The following LMTK2 variants were observed in gnomAD, a reference collection of about 807,000 sequenced individuals.
LMTK2 encodes serine/threonine-protein kinase LMTK2.
Under a neutral mutation model 127.5 loss-of-function variants are expected in LMTK2, and 37 were observed. That is an observed-to-expected ratio of 0.29 (90% CI 0.22 to 0.38). LMTK2 has a LOEUF of 0.38. Ranked by LOEUF, LMTK2 falls within the 10% of genes least tolerant of loss-of-function variation. LMTK2 has a pLI of 1.00. For synonymous variants in LMTK2, 819 were observed against 810.1 expected (o/e 1.01, Z -0.19); for missense variants, 1,694 against 1,920.3 (o/e 0.88, Z 2.20).
At chr7:98,201,158 C>A (rs1226164906) in intron 11 of LMTK2, among the ~76,000 whole-genome samples, 1 of 151,728 alleles carries the variant, frequency 6.6e-6, no homozygotes, top group East Asian at 1.9e-4. Context: ...GTGTAGAATT[C>A]TGTGTTGATA....
At position 98,108,466 on chromosome 7, in the gene LMTK2, T is replaced by C. The variant is rs376549630; in HGVS notation, c.103+1186T>C. Reference sequence around the variant, plus strand: ...TCCAGAGCTACATCAGGGTTTGTCATTGAGTGCCCTTTAGTTGAACGTTAA... The same window carrying C: ...TCCAGAGCTACATCAGGGTTTGTCACTGAGTGCCCTTTAGTTGAACGTTAA... On this transcript the variant is annotated intron_variant, in intron 1 of 13. Coordinates refer to ENST00000297293, the MANE Select transcript of LMTK2 (RefSeq NM_014916.4). Among the ~76,000 whole-genome samples, 99 of 152,350 alleles carry C rather than the reference T, an allele frequency of 6.5e-4. 1 individual carries two copies. The South Asian group carries it at 0.019, about 29-fold the overall frequency.
At chr7:98,163,603 C>T (rs138491678) in intron 6 of LMTK2, among the ~76,000 whole-genome samples, 1 of 152,232 alleles carries the variant, frequency 6.6e-6, no homozygotes, top group African/African-American at 2.4e-5. Flanking sequence ...CACTGAAGTC[C>T]AGCTTCTCCG....
At chr7:98,168,669 GC>G (rs1797139138) in intron 6 of LMTK2, among the ~76,000 whole-genome samples, 1 of 152,190 alleles carries the variant, frequency 6.6e-6, no homozygotes, top group South Asian at 2.1e-4. Flanking sequence ...GCCCTCCCTG[GC>G]CATTCATGTC....
intron 1 of LMTK2, among the ~76,000 whole-genome samples, chr7:98,127,412 T>C (rs1158870754): frequency 6.6e-6 from 1 of 152,238 alleles, no homozygotes; most frequent in African/African-American, 2.4e-5. Flanking sequence ...CCCTCAGTTC[T>C]ATGAGTTTTC....
chr7:98,137,184 T>C (rs556331548), intron 1 of LMTK2, 131 bp from the exon 2 acceptor site: 20 of 780,862 alleles, frequency 2.6e-5, no homozygotes, highest in Non-Finnish European at 3.9e-5. Flanking sequence ...GGATGGATCA[T>C]CAGCTTTTTC....
intron 1 of LMTK2, among the ~76,000 whole-genome samples, chr7:98,134,186 G>T (rs151050266): frequency 8.1e-4 from 124 of 152,292 alleles, no homozygotes; most frequent in African/African-American, 2.8e-3. Context: ...GGAGCTGGTC[G>T]TATTACCTCA....
At position 98,203,118 on chromosome 7, in the gene LMTK2, G is replaced by A. The variant is rs571255351; in HGVS notation, c.4108-456G>A. On this transcript the variant is annotated intron_variant, in intron 11 of 13. Transcript: ENST00000297293. ...AGAGAACAGAGAAAAGAAGAAAGCT[G>A]GAATTCCCCCTTCTCTTTCTGAGCA... 1.1e-4 allele frequency among the ~76,000 whole-genome samples: 17 copies of A among 152,290 alleles called. No individual in the cohort carries two copies. The South Asian group carries it at 3.5e-3, about 32-fold the overall frequency.
chr7:98,122,966 C>CT lies in LMTK2; in HGVS notation c.104-14339dup, dbSNP rs960983206. On this transcript the variant is annotated intron_variant, in intron 1 of 13. Coordinates refer to ENST00000297293, the MANE Select transcript of LMTK2 (RefSeq NM_014916.4). ...TGTTGTTTCTTATCTCCTTGGTTCT[C>CT]TTTTTTTTTTCCTTCCCCCTTGATC... 5.0e-4 allele frequency among the ~76,000 whole-genome samples: 75 copies of CT among 149,202 alleles called. No homozygotes were observed. The South Asian group carries it at 6.2e-3, about 12-fold the overall frequency.
At chr7:98,173,805 C>T (rs1797232082) in intron 7 of LMTK2, among the ~76,000 whole-genome samples, 1 of 152,018 alleles carries the variant, frequency 6.6e-6, no homozygotes, top group Non-Finnish European at 1.5e-5. Flanking sequence ...GCCTGTAATC[C>T]CCGCACTTTG....
At chr7:98,122,961 G>T (rs1796387949) in intron 1 of LMTK2, among the ~76,000 whole-genome samples, 1 of 150,684 alleles carries the variant, frequency 6.6e-6, no homozygotes. Flanking sequence ...TATCTCCTTG[G>T]TTCTCTTTTT....
chr7:98,169,713 G>A (rs1348896496), intron 6 of LMTK2, among the ~76,000 whole-genome samples: 2 of 152,002 alleles, frequency 1.3e-5, no homozygotes, highest in Admixed American at 1.3e-4. Context: ...ATTTTTCTGG[G>A]TGAATTTAAT....
rs1431690187 is a variant in LMTK2 at position 98,196,988 on chromosome 7, A to G, written c.4107+2416A>G. ...GGCCGAGGACTGAGGGTTTCCTCCC[A>G]CTCCTGCTTTCTTTTTTAATGAGCT... On this transcript the variant is annotated intron_variant, in intron 11 of 13. Transcript: ENST00000297293. Among the ~76,000 whole-genome samples, 3 of 152,200 alleles carry G rather than the reference A, an allele frequency of 2.0e-5. No individual in the cohort carries two copies. The East Asian group carries it at 5.8e-4, about 29-fold the overall frequency.
At position 98,191,916 on chromosome 7, in the gene LMTK2, A is replaced by G. The variant is rs1452982167; in HGVS notation, c.1451A>G (p.Asp484Gly). The change falls in exon 11 of 14, where the codon GAC becomes GGC. Residue 484 changes from aspartate to glycine, a missense_variant. Physicochemically the swap from Asp to Gly is moderately conservative, Grantham distance 94 (BLOSUM62 -1). Around this residue, in one of 8 missense-constraint regions of LMTK2, gnomAD observed 216 missense variants for 266.8 expected, o/e 0.81. Transcript: ENST00000297293. The part of the protein sequence containing the change: ...FEYVWEAAKH[D>G]HFDERSRGHL... The stretch of plus-strand genomic sequence containing the variant: ...TATGTCTGGGAGGCCGCTAAGCACG[A>G]CCACTTTGACGAGCGCAGCCGGGGC... 4 of 1,613,764 alleles carry G rather than the reference A, an allele frequency of 2.5e-6. No individual in the cohort carries two copies. Among genetic ancestry groups the G allele is most frequent in the Non-Finnish European group, 3.4e-6 (4 of 1,179,992 alleles).
chr7:98,130,351 G>A (rs1562899207), intron 1 of LMTK2, among the ~76,000 whole-genome samples: 1 of 152,136 alleles, frequency 6.6e-6, no homozygotes, highest in Non-Finnish European at 1.5e-5. Flanking sequence ...CAACAAATAG[G>A]AAAGGATATA....
At position 98,177,254 on chromosome 7, in the gene LMTK2, C is replaced by A. The variant is rs554266555; in HGVS notation, c.791+5580C>A. On this transcript the variant is annotated intron_variant, in intron 7 of 13. Coordinates refer to ENST00000297293, the MANE Select transcript of LMTK2 (RefSeq NM_014916.4). ...TTCTCTGTACAGGTGTAATTATGTA[C>A]CCAGTAGTGAAGGTGGATAAAAACC... Among the ~76,000 whole-genome samples the A allele has an allele frequency of 2.6e-5, 4 of 152,202 alleles. No homozygotes were observed. In the East Asian group the frequency reaches 7.7e-4, roughly 29 times the overall value.
rs778933051 is a variant in LMTK2 at position 98,192,235 on chromosome 7, G to A, written c.1770G>A (p.Thr590=). Residue 590 remains threonine (T), a synonymous_variant, in exon 11 of 14, where the codon ACG becomes ACA. Transcript: ENST00000297293. The part of the protein sequence containing the change: ...ERTGPELSQL[T]ALRSVELEES... Reference sequence around the variant, plus strand: ...CTGGCCCTGAACTGTCCCAGCTCACGGCGCTCAGGAGCGTTGAACTTGAGG... The same window carrying A: ...CTGGCCCTGAACTGTCCCAGCTCACAGCGCTCAGGAGCGTTGAACTTGAGG... 32 of 1,523,814 alleles carry A rather than the reference G, an allele frequency of 2.1e-5. No homozygotes were observed. The highest frequency in any genetic ancestry group is 7.0e-5 in the African/African-American group (5 of 71,714). The allele number at this position is 1,523,814 out of a possible 1,614,324, so 94.4% of individuals were successfully genotyped here.
Position 98,203,998 on chromosome 7 carries a change from C to G in LMTK2, c.4295C>G (p.Thr1432Arg), listed in dbSNP as rs780955095. 3.1e-6 allele frequency: 5 copies of G among 1,614,074 alleles called. No homozygotes were observed. The highest frequency in any genetic ancestry group is 4.2e-6 in the Non-Finnish European group (5 of 1,180,032). Residue 1432 changes from threonine to arginine, a missense_variant, in exon 13 of 14, where the codon ACA becomes AGA. Around this residue, in one of 8 missense-constraint regions of LMTK2, gnomAD observed 554 missense variants for 567.7 expected, o/e 0.98. Transcript: ENST00000297293. ...TCCCCAGATCCTTTTATGTCAAAGA[C>G]AACAAGTAACCTGCTCAGCTCCAAG... The part of the protein sequence containing the change: ...DFSPDPFMSK[T>R]TSNLLSSKPS...
chr7:98,122,726 GTATATATA>G (rs72372592), intron 1 of LMTK2, among the ~76,000 whole-genome samples: 3 of 14,204 alleles, frequency 2.1e-4, no homozygotes, highest in South Asian at 2.5e-3. Context: ...GTGTGTGTGT[GTATATATA>G]TAACTGGATC....
intron 6 of LMTK2, among the ~76,000 whole-genome samples, chr7:98,165,639 C>G (rs143890961): frequency 1.7e-4 from 26 of 152,216 alleles, no homozygotes; most frequent in Admixed American, 1.5e-3. Flanking sequence ...CCACTACCAG[C>G]GGGAGGCCTC....
Sources: gnomAD v4.1 joint callset for allele counts (sites outside exome capture counted in the v4.1 genomes callset) on GRCh38, gnomAD v4.1.1 for gene constraint, gnomAD v4.1.1 regional missense constraint, MANE v1.5 for transcripts, NCBI Gene and HGNC (gene_info 2026-07-23, HGNC 2026-07-21) for gene names.